Variants in LRP1B observed in about 807,000 individuals in gnomAD.
LRP1B encodes the protein LDL receptor related protein 1B.
In LRP1B, 217 loss-of-function variants were observed where a neutral mutation model predicts 556.6. The observed-to-expected ratio is 0.39, with a 90% CI of 0.35 to 0.44. The LOEUF (loss-of-function observed/expected upper bound fraction) is 0.44, where lower values mean the gene tolerates loss of function less well. Among genes scored for constraint, LRP1B ranks in the 20% least tolerant of loss-of-function variants. LRP1B has a pLI of 1.00. For missense variants in LRP1B, 5,053 were observed against 5,620.8 expected (o/e 0.90, Z 3.23); for synonymous variants, 2,047 against 1,865.8 (o/e 1.10, Z -2.50).
intron 15 of LRP1B, among the ~76,000 whole-genome samples, chr2:141,000,656 C>T (rs1052564104): frequency 2.0e-5 from 3 of 152,040 alleles, no homozygotes; most frequent in African/African-American, 7.2e-5. Flanking sequence ...AGGACTGATT[C>T]GTAACTCATC....
intron 6 of LRP1B, among the ~76,000 whole-genome samples, chr2:141,212,249 A>ATTTTT (rs59699046): frequency 4.8e-5 from 3 of 62,268 alleles, no homozygotes; most frequent in Non-Finnish European, 9.2e-5. Flanking sequence ...AAAAGTCTAG[A>ATTTTT]TTTTTTTTTT....
At chr2:141,521,703 A>G (rs1364173371) in intron 2 of LRP1B, among the ~76,000 whole-genome samples, 1 of 152,000 alleles carries the variant, frequency 6.6e-6, no homozygotes, top group Non-Finnish European at 1.5e-5. Flanking sequence ...TATTCAATCC[A>G]AGTAAGAAAA....
At chr2:140,744,868 A>AT (rs932108389) in intron 35 of LRP1B, among the ~76,000 whole-genome samples, 5 of 151,982 alleles carry the variant, frequency 3.3e-5, no homozygotes, top group East Asian at 1.9e-4. Context: ...GATTTTGCCA[A>AT]TTTTTTTTCC....
intron 43 of LRP1B, among the ~76,000 whole-genome samples, chr2:140,575,871 G>A (rs1462293581): frequency 4.0e-5 from 6 of 151,744 alleles, no homozygotes; most frequent in African/African-American, 4.8e-5. Context: ...GCAATGAGCC[G>A]AGATCACGCC....
At chr2:141,841,226 C>T (rs921063085) in intron 1 of LRP1B, among the ~76,000 whole-genome samples, 3 of 152,042 alleles carry the variant, frequency 2.0e-5, no homozygotes, top group African/African-American at 7.2e-5. Context: ...GAGTGTTACT[C>T]TTGTGAGCAT....
chr2:140,911,921 T>C (rs977531433), intron 21 of LRP1B, among the ~76,000 whole-genome samples: 1 of 151,744 alleles, frequency 6.6e-6, no homozygotes, highest in Admixed American at 6.6e-5. Flanking sequence ...GTAAGGCTAT[T>C]TGCCATCCCT....
At chr2:141,795,860 ATATATATATATATAT>A (rs1695788542) in intron 2 of LRP1B, among the ~76,000 whole-genome samples, 27 of 69,342 alleles carry the variant, frequency 3.9e-4, no homozygotes, top group Middle Eastern at 6.8e-3. Context: ...CAGGAGCAAT[ATATATATATATATAT>A]ATATATATAT....
chr2:140,386,085 C>A, intron 66 of LRP1B, 76 bp from the exon 67 acceptor site: 1 of 836,794 alleles, frequency 1.2e-6, no homozygotes, highest in Non-Finnish European at 2.0e-6. Flanking sequence ...ACTGCCATGC[C>A]AAATCCATGG....
At chr2:140,948,717 C>A (rs1695615731) in intron 20 of LRP1B, among the ~76,000 whole-genome samples, 1 of 152,192 alleles carries the variant, frequency 6.6e-6, no homozygotes. Context: ...CATGTCAAGA[C>A]CATCAACCAT....
At chr2:141,667,758 C>T (rs954876542) in intron 2 of LRP1B, among the ~76,000 whole-genome samples, 1 of 152,116 alleles carries the variant, frequency 6.6e-6, no homozygotes, top group African/African-American at 2.4e-5. Context: ...GGTTTTTGCT[C>T]TAGAGTCTAA....
chr2:141,915,835 A>G (rs1700015922), intron 1 of LRP1B, among the ~76,000 whole-genome samples: 1 of 152,218 alleles, frequency 6.6e-6, no homozygotes, highest in African/African-American at 2.4e-5. Context: ...AAAATGCTCA[A>G]CATCACTAAT....
chr2:141,331,540 CT>C lies in LRP1B; in HGVS notation c.344-76900del, dbSNP rs67083711. The stretch of plus-strand genomic sequence containing the variant: ...TTTCTTTCTCTTTCTTTCTTTCTTT[CT>C]TTCTTTCTTTCTTATTTGGGAGGGA... On this transcript the variant is annotated intron_variant, in intron 3 of 90. Transcript: ENST00000389484. Among the ~76,000 whole-genome samples, 136 of 33,414 alleles carry C rather than the reference CT, an allele frequency of 4.1e-3. 4 individuals carry two copies. The highest frequency in any genetic ancestry group is 0.025 in the African/African-American group (123 of 4,970). 21.9% of individuals were successfully genotyped at this position (33,414 alleles called of 152,430 possible). A position where few individuals can be genotyped will look rare whatever the true frequency, so the allele number is the denominator to read the frequency against.
chr2:142,122,550 T>A (rs1413524852), intron 1 of LRP1B, among the ~76,000 whole-genome samples: 1 of 152,128 alleles, frequency 6.6e-6, no homozygotes, highest in Non-Finnish European at 1.5e-5. Context: ...GAACTGCTAG[T>A]CTTTGTGTTA....
chr2:142,124,890 C>G (rs1707582147), intron 1 of LRP1B, among the ~76,000 whole-genome samples: 1 of 146,738 alleles, frequency 6.8e-6, no homozygotes, highest in Non-Finnish European at 1.5e-5. Flanking sequence ...ACCAGTCTTA[C>G]TTTTTTTTTT....
intron 2 of LRP1B, among the ~76,000 whole-genome samples, chr2:141,490,883 T>G: frequency 6.6e-6 from 1 of 151,556 alleles, no homozygotes; most frequent in East Asian, 1.9e-4. Context: ...TCCAGAAATT[T>G]ATTTTCTCCT....
In LRP1B at chr2:142,066,151, C is replaced by T. The variant is rs139600407; in HGVS notation, c.82+64497G>A. Among the ~76,000 whole-genome samples the T allele has an allele frequency of 9.8e-4, 149 of 151,664 alleles. 1 individual carries two copies. The highest frequency in any genetic ancestry group is 3.5e-3 in the African/African-American group (144 of 41,480). ...CTGACCTTTTGATATTTCTGATATACCAGTGAAAGACTGTCCAGATGCACT... is the reference window on the plus strand; with the variant it reads ...CTGACCTTTTGATATTTCTGATATATCAGTGAAAGACTGTCCAGATGCACT... On this transcript the variant is annotated intron_variant, in intron 1 of 90. Coordinates refer to ENST00000389484, the MANE Select transcript of LRP1B (RefSeq NM_018557.3).
intron 35 of LRP1B, among the ~76,000 whole-genome samples, chr2:140,736,622 T>C (rs1210412525): frequency 6.6e-6 from 1 of 152,144 alleles, no homozygotes; most frequent in African/African-American, 2.4e-5. Context: ...AAATGAGAAA[T>C]GTGGAAAGGA....
chr2:141,989,181 ATC>A (rs991378272), intron 1 of LRP1B, among the ~76,000 whole-genome samples: 20 of 152,056 alleles, frequency 1.3e-4, no homozygotes, highest in African/African-American at 4.8e-4. Context: ...TAATTTTATT[ATC>A]TGTTTTCTAC....
At chr2:141,585,435 G>A (rs1011149170) in intron 2 of LRP1B, among the ~76,000 whole-genome samples, 1 of 148,730 alleles carries the variant, frequency 6.7e-6, no homozygotes. Flanking sequence ...GTGTGTGTGT[G>A]TGTGTGTGTG....
Sources: gnomAD v4.1 joint callset for allele counts (sites outside exome capture counted in the v4.1 genomes callset) on GRCh38, gnomAD v4.1.1 for gene constraint, MANE v1.5 for transcripts, NCBI Gene and HGNC (gene_info 2026-07-23, HGNC 2026-07-21) for gene names.